The following UBTD2 variants were observed in gnomAD, a reference collection of about 807,000 sequenced individuals.
The protein encoded by UBTD2 is ubiquitin domain-containing protein 2.
Under a neutral mutation model 19.8 loss-of-function variants are expected in UBTD2, and 9 were observed. The observed-to-expected ratio is 0.46, with a 90% CI of 0.27 to 0.79. The LOEUF (loss-of-function observed/expected upper bound fraction) is 0.79. UBTD2 is among the 30% of genes least tolerant of loss of function. The probability of loss-of-function intolerance (pLI) is 0.14; values close to 1 mark genes in which losing one functional copy is unlikely to be tolerated. For synonymous variants in UBTD2, 98 were observed against 103.9 expected, an observed-to-expected ratio of 0.94 and a Z score of 0.35; for missense variants, 250 against 300.4, an observed-to-expected ratio of 0.83 and a Z score of 1.24.
intron 2 of UBTD2, among the ~76,000 whole-genome samples, chr5:172,218,786 A>AAT (rs758205984): frequency 0.31 from 43,235 of 137,820 alleles, 6,709 homozygotes; most frequent in South Asian, 0.41. Context: ...AAAAAAAAAA[A>AAT]AAATAAAAAA....
intron 2 of UBTD2, among the ~76,000 whole-genome samples, chr5:172,226,367 C>T (rs548013449): frequency 6.6e-6 from 1 of 152,156 alleles, no homozygotes; most frequent in Admixed American, 6.5e-5. Context: ...TTGAATTAGA[C>T]CCTGATTTTG....
intron 2 of UBTD2, among the ~76,000 whole-genome samples, chr5:172,223,238 G>C (rs778395770): frequency 6.6e-6 from 1 of 152,118 alleles, no homozygotes; most frequent in Non-Finnish European, 1.5e-5. Context: ...AGTAACTAAA[G>C]CAGATTGGGA....
At chr5:172,237,400 A>G (rs1261909239) in intron 1 of UBTD2, among the ~76,000 whole-genome samples, 1 of 152,142 alleles carries the variant, frequency 6.6e-6, no homozygotes, top group African/African-American at 2.4e-5. Flanking sequence ...CCCCCAATGC[A>G]TTTTCAAATC....
intron 2 of UBTD2, among the ~76,000 whole-genome samples, chr5:172,229,160 G>C (rs1432214271): frequency 3.3e-5 from 5 of 152,090 alleles, no homozygotes; most frequent in Non-Finnish European, 2.9e-5. Flanking sequence ...AAGCATGTTT[G>C]AGTAACAGGG....
chr5:172,254,050 A>T (rs1284712342), intron 1 of UBTD2, among the ~76,000 whole-genome samples: 3 of 152,170 alleles, frequency 2.0e-5, no homozygotes, highest in Admixed American at 6.5e-5. Flanking sequence ...TCAAATTAAA[A>T]TGTTTTAGAT....
At chr5:172,277,030 C>T (rs2113137102) in intron 1 of UBTD2, among the ~76,000 whole-genome samples, 1 of 134,256 alleles carries the variant, frequency 7.4e-6, no homozygotes, top group East Asian at 2.3e-4. Flanking sequence ...GATCATGCCA[C>T]TGTACTCCAC....
chr5:172,262,578 G>A (rs1377083228), intron 1 of UBTD2, among the ~76,000 whole-genome samples: 3 of 152,040 alleles, frequency 2.0e-5, no homozygotes, highest in African/African-American at 7.2e-5. Flanking sequence ...TTGGGAGGCC[G>A]AGGTAGACGG....
chr5:172,267,267 C>T (rs773867256), intron 1 of UBTD2, among the ~76,000 whole-genome samples: 4 of 152,176 alleles, frequency 2.6e-5, no homozygotes, highest in East Asian at 1.9e-4. Flanking sequence ...TGTTAGCTTA[C>T]GCCACCAGGT....
At chr5:172,256,753 T>A (rs1755161186) in intron 1 of UBTD2, among the ~76,000 whole-genome samples, 1 of 151,984 alleles carries the variant, frequency 6.6e-6, no homozygotes, top group Non-Finnish European at 1.5e-5. Flanking sequence ...AAACACCATC[T>A]CTACTAAAAA....
intron 2 of UBTD2, among the ~76,000 whole-genome samples, chr5:172,227,954 C>T (rs534743961): frequency 6.6e-6 from 1 of 152,174 alleles, no homozygotes; most frequent in South Asian, 2.1e-4. Context: ...GCTGTGATTA[C>T]AGGCATGAGC....
chr5:172,282,643 A>G (rs1755740002), intron 1 of UBTD2, among the ~76,000 whole-genome samples: 1 of 152,234 alleles, frequency 6.6e-6, no homozygotes, highest in African/African-American at 2.4e-5. Context: ...CAACGCTGTC[A>G]TCTTTGCCTA....
chr5:172,276,681 T>A (rs1028996316), intron 1 of UBTD2, among the ~76,000 whole-genome samples: 1 of 151,676 alleles, frequency 6.6e-6, no homozygotes, highest in African/African-American at 2.4e-5. Flanking sequence ...GTAAGGTTCA[T>A]TATTGGGGTG....
chr5:172,244,889 CG>C (rs1200569494), intron 1 of UBTD2, among the ~76,000 whole-genome samples: 1 of 151,928 alleles, frequency 6.6e-6, no homozygotes, highest in African/African-American at 2.4e-5. Context: ...CCACCACGCC[CG>C]GCTAATTTTC....
chr5:172,227,418 C>G (rs1048344777), intron 2 of UBTD2, among the ~76,000 whole-genome samples: 2 of 152,030 alleles, frequency 1.3e-5, no homozygotes, highest in Admixed American at 1.3e-4. Flanking sequence ...TCATTAAGGC[C>G]CTGTTTCATT....
intron 1 of UBTD2, among the ~76,000 whole-genome samples, chr5:172,249,164 G>A (rs1323455936): frequency 1.3e-5 from 2 of 151,966 alleles, no homozygotes; most frequent in African/African-American, 2.4e-5. Flanking sequence ...TTGGAAGGCC[G>A]AGGCGGGTGT....
chr5:172,255,372 G>T (rs1263431175), intron 1 of UBTD2: 4 of 480,096 alleles, frequency 8.3e-6, no homozygotes, highest in South Asian at 6.7e-5. Flanking sequence ...AATTAGATGA[G>T]TATGACACCG....
intron 1 of UBTD2, chr5:172,254,686 A>G (rs77314996): frequency 1.9e-6 from 1 of 518,144 alleles, no homozygotes; most frequent in Non-Finnish European, 3.5e-6. Context: ...GTCTCTTCCC[A>G]GGCTGCAAGA....
At chr5:172,219,238 CT>C (rs1771607409) in intron 2 of UBTD2, among the ~76,000 whole-genome samples, 1 of 152,214 alleles carries the variant, frequency 6.6e-6, no homozygotes, top group African/African-American at 2.4e-5. Flanking sequence ...TCTCTGCAAT[CT>C]TTTTCATTAG....
chr5:172,234,962 C>A (rs968271620), intron 1 of UBTD2, among the ~76,000 whole-genome samples: 1 of 147,388 alleles, frequency 6.8e-6, no homozygotes, highest in African/African-American at 2.5e-5. Flanking sequence ...AATGAATGTA[C>A]CACTCTGGTG....
Sources: gnomAD v4.1 joint callset for allele counts (sites outside exome capture counted in the v4.1 genomes callset) on GRCh38, gnomAD v4.1.1 for gene constraint, MANE v1.5 for transcripts, NCBI Gene and HGNC (gene_info 2026-07-23, HGNC 2026-07-21) for gene names.